Variants in BICDL1 observed in about 807,000 individuals in gnomAD.
BICDL1 encodes the protein BICD family-like cargo adapter 1.
Under a neutral mutation model 76.8 loss-of-function variants are expected in BICDL1, and 20 were observed. The ratio of observed to expected loss-of-function variants is 0.26; its 90% CI spans 0.18 to 0.38. The LOEUF (loss-of-function observed/expected upper bound fraction) is 0.38, where lower values mean the gene tolerates loss of function less well. Ranked by LOEUF, BICDL1 falls within the 10% of genes least tolerant of loss-of-function variation. BICDL1 has a pLI of 1.00. For missense variants in BICDL1, 700 were observed against 798.6 expected (o/e 0.88, Z 1.49); for synonymous variants, 383 against 337.1 (o/e 1.14, Z -1.49).
At chr12:120,083,634 TA>T (rs1874166832) in intron 8 of BICDL1, among the ~76,000 whole-genome samples, 5 of 63,628 alleles carry the variant, frequency 7.9e-5, no homozygotes, top group Non-Finnish European at 1.4e-4. Context: ...TAGTAGTATT[TA>T]TTTATTTATT....
intron 8 of BICDL1, among the ~76,000 whole-genome samples, chr12:120,088,956 A>T (rs6490284): frequency 6.6e-6 from 1 of 152,028 alleles, no homozygotes; most frequent in Non-Finnish European, 1.5e-5. Context: ...GAGCCACCGC[A>T]CCCGGCCTAC....
chr12:119,995,727 C>T (rs1369143172), intron 1 of BICDL1, among the ~76,000 whole-genome samples: 2 of 152,180 alleles, frequency 1.3e-5, no homozygotes, highest in East Asian at 1.9e-4. Context: ...TGGCTCACGC[C>T]TGTAATCCCA....
In BICDL1 at chr12:120,007,242, G is replaced by A. The variant is rs180952550; in HGVS notation, c.645+8506G>A. ...ATCTTAGACTGTGTGGATAATTAAGGTTGAGATGCCCTTTACATATCCATG... is the reference window on the plus strand; with the variant it reads ...ATCTTAGACTGTGTGGATAATTAAGATTGAGATGCCCTTTACATATCCATG... On this transcript the variant is annotated intron_variant, in intron 2 of 9. Transcript: ENST00000548673. Among the ~76,000 whole-genome samples, 9 of 152,294 alleles carry A rather than the reference G, an allele frequency of 5.9e-5. No homozygotes were observed. The East Asian group carries it at 1.5e-3, about 26-fold the overall frequency.
intron 2 of BICDL1, among the ~76,000 whole-genome samples, chr12:120,051,873 C>T (rs1279670865): frequency 6.6e-6 from 1 of 152,118 alleles, no homozygotes; most frequent in Non-Finnish European, 1.5e-5. Flanking sequence ...TTCCATGTTG[C>T]ACTTGGTTGT....
intron 3 of BICDL1, 29 bp from the exon 4 acceptor site, chr12:120,064,704 A>C: frequency 6.3e-7 from 1 of 1,582,630 alleles, no homozygotes. Context: ...GTAACTCCAC[A>C]CCACCCCTGT....
chr12:120,008,969 T>C (rs1031094554), intron 2 of BICDL1, among the ~76,000 whole-genome samples: 4 of 150,304 alleles, frequency 2.7e-5, no homozygotes, highest in Non-Finnish European at 4.4e-5. Flanking sequence ...TTTTGGTAGA[T>C]TCTTGTATTG....
chr12:119,999,343 G>T (rs1275001334), intron 2 of BICDL1, among the ~76,000 whole-genome samples: 1 of 152,158 alleles, frequency 6.6e-6, no homozygotes, highest in Non-Finnish European at 1.5e-5. Context: ...AGCTCTAAAA[G>T]TCTGTGATTA....
intron 2 of BICDL1, among the ~76,000 whole-genome samples, chr12:120,022,673 A>G (rs1025281423): frequency 6.6e-6 from 1 of 152,030 alleles, no homozygotes; most frequent in Non-Finnish European, 1.5e-5. Flanking sequence ...ATATGAAACA[A>G]TGTTTTCAAG....
At chr12:120,003,254 G>A (rs558269631) in intron 2 of BICDL1, among the ~76,000 whole-genome samples, 2 of 152,010 alleles carry the variant, frequency 1.3e-5, no homozygotes, top group South Asian at 4.2e-4. Flanking sequence ...CTGTGGAAGA[G>A]CTAAGGGAAC....
intron 2 of BICDL1, among the ~76,000 whole-genome samples, chr12:120,054,695 GAA>G (rs1952938365): frequency 6.6e-6 from 1 of 152,072 alleles, no homozygotes. Context: ...TGGCCAACAT[GAA>G]GGAATTCCAT....
intron 2 of BICDL1, among the ~76,000 whole-genome samples, chr12:120,026,612 C>T (rs570302368): frequency 3.4e-4 from 52 of 152,316 alleles, no homozygotes; most frequent in African/African-American, 1.2e-3. Flanking sequence ...CAAGGAAATA[C>T]ACTAATGATG....
In BICDL1 at chr12:119,998,651, ATCT is replaced by A; in HGVS notation, c.561_563del (p.His187_Leu188delinsGln). On this transcript the variant is annotated inframe_deletion, in exon 2 of 10. Coordinates refer to ENST00000548673, the MANE Select transcript of BICDL1 (RefSeq NM_001367886.1). ...GATGAGTTGGAGAGGCAGCAGATTCATCTGCGGGAAGCAGATCGAGAAAAATCA... is the reference window on the plus strand; with the variant it reads ...GATGAGTTGGAGAGGCAGCAGATTCAGCGGGAAGCAGATCGAGAAAAATCA... 6.2e-7 allele frequency: 1 copy of A among 1,614,200 alleles called. No homozygotes were observed. The highest frequency in any genetic ancestry group is 8.5e-7 in the Non-Finnish European group (1 of 1,180,030).
chr12:120,010,716 ATTTTATT>A (rs1951936202), intron 2 of BICDL1, among the ~76,000 whole-genome samples: 1 of 152,148 alleles, frequency 6.6e-6, no homozygotes, highest in South Asian at 2.1e-4. Flanking sequence ...TCTGTTTAAT[ATTTTATT>A]TGAGGGAAAA....
At chr12:119,999,062 G>GAAA (rs10658480) in intron 2 of BICDL1, among the ~76,000 whole-genome samples, 8,604 of 94,982 alleles carry the variant, frequency 0.091, 481 homozygotes, top group African/African-American at 0.15. Context: ...GCCTGTCTCG[G>GAAA]AAAAAAAAAA....
At chr12:120,024,948 GA>G (rs1952259407) in intron 2 of BICDL1, among the ~76,000 whole-genome samples, 1 of 151,966 alleles carries the variant, frequency 6.6e-6, no homozygotes, top group Non-Finnish European at 1.5e-5. Context: ...AAAATACTGG[GA>G]TCACAGGCAC....
intron 2 of BICDL1, among the ~76,000 whole-genome samples, chr12:120,017,768 A>G (rs1027431300): frequency 5.3e-5 from 8 of 152,306 alleles, no homozygotes; most frequent in Admixed American, 2.0e-4. Context: ...TTGGCCGCAT[A>G]ATAGTTGCTC....
intron 2 of BICDL1, chr12:120,000,274 C>T (rs1265298725): frequency 6.5e-6 from 1 of 153,348 alleles, no homozygotes; most frequent in African/African-American, 2.4e-5. Context: ...CTGCAGGTTT[C>T]CCATCTGGAG....
chr12:120,017,825 G>T (rs1201209801), intron 2 of BICDL1, among the ~76,000 whole-genome samples: 2 of 152,306 alleles, frequency 1.3e-5, no homozygotes, highest in Middle Eastern at 6.8e-3. Flanking sequence ...ATTTAATCGA[G>T]TATAGGCTGT....
At chr12:120,091,172 C>T in intron 9 of BICDL1, 1 of 1,204,110 alleles carries the variant, frequency 8.3e-7, no homozygotes, top group Non-Finnish European at 1.1e-6. Context: ...GCTCCCTCCT[C>T]CATCACAGTC....
Sources: allele counts gnomAD v4.1 joint callset (sites outside exome capture counted in the v4.1 genomes callset), GRCh38; gene constraint gnomAD v4.1.1; transcripts MANE v1.5; gene names NCBI Gene and HGNC (gene_info 2026-07-23, HGNC 2026-07-21).